Variants in FOXP2 observed in about 807,000 individuals in gnomAD.
The protein encoded by FOXP2 is forkhead box P2.
A neutral mutation model predicts 115.8 loss-of-function variants in FOXP2; 12 were observed. The ratio of observed to expected loss-of-function variants is 0.10; its 90% CI spans 0.07 to 0.17. FOXP2 has a LOEUF of 0.17. Ranked by LOEUF, FOXP2 falls within the 10% of genes least tolerant of loss-of-function variation. The pLI, the probability that FOXP2 is intolerant of heterozygous loss-of-function variation, is 1.00. For synonymous variants in FOXP2, 328 were observed against 297.7 expected, an observed-to-expected ratio of 1.10 and a Z score of -1.05; for missense variants, 629 against 843.5, an observed-to-expected ratio of 0.75 and a Z score of 3.15.
intron 2 of FOXP2, among the ~76,000 whole-genome samples, chr7:114,405,155 T>C (rs1256875694): frequency 6.6e-6 from 1 of 151,956 alleles, no homozygotes; most frequent in Non-Finnish European, 1.5e-5. Context: ...CTGGTGTTAC[T>C]ATATGATAGT....
chr7:114,223,794 G>A (rs1297785868), intron 1 of FOXP2, among the ~76,000 whole-genome samples: 1 of 150,146 alleles, frequency 6.7e-6, no homozygotes, highest in Non-Finnish European at 1.5e-5. Flanking sequence ...CTTTCTTTAG[G>A]TGAATTTTGA....
chr7:114,368,845 A>T (rs760511275), intron 2 of FOXP2, among the ~76,000 whole-genome samples: 3 of 152,258 alleles, frequency 2.0e-5, no homozygotes, highest in Non-Finnish European at 2.9e-5. Context: ...GGTATAATTG[A>T]CAACAATATT....
At chr7:114,087,630 G>C (rs1230643653), upstream of FOXP2, 1 of 147,262 alleles carries the variant, frequency 6.8e-6, no homozygotes, top group Non-Finnish European at 1.5e-5. Flanking sequence ...TGCGGCGGCG[G>C]CGGCGGCGCC....
chr7:114,566,252 T>C (rs932689114), intron 3 of FOXP2, among the ~76,000 whole-genome samples: 6 of 152,164 alleles, frequency 3.9e-5, no homozygotes, highest in African/African-American at 1.2e-4. Flanking sequence ...TAGCTGAACA[T>C]TGATGTTTTC....
rs181679698 is a variant in FOXP2 at position 114,294,975 on chromosome 7, A to G, written c.-11+6866A>G. 2.1e-3 allele frequency among the ~76,000 whole-genome samples: 315 copies of G among 152,262 alleles called. 1 individual carries two copies. The highest frequency in any genetic ancestry group is 6.8e-3 in the Middle Eastern group (2 of 294). On this transcript the variant is annotated intron_variant, in intron 2 of 17. Coordinates refer to the FOXP2 transcript ENST00000634411. Reference sequence around the variant, plus strand: ...AACCATAATTCCAAATTTCATTCCTATTGATGTGATGATAGAATTTGGACA... The same window carrying G: ...AACCATAATTCCAAATTTCATTCCTGTTGATGTGATGATAGAATTTGGACA...
chr7:114,152,635 A>C (rs1792556749), intron 1 of FOXP2, among the ~76,000 whole-genome samples: 1 of 152,176 alleles, frequency 6.6e-6, no homozygotes, highest in Non-Finnish European at 1.5e-5. Context: ...TCCAGCAAAA[A>C]GACAACTGTG....
chr7:114,238,201 A>G (rs1795060219), intron 1 of FOXP2, among the ~76,000 whole-genome samples: 1 of 152,086 alleles, frequency 6.6e-6, no homozygotes, highest in Admixed American at 6.5e-5. Flanking sequence ...AACAATCTCA[A>G]CTCACTGGTG....
intron 2 of FOXP2, among the ~76,000 whole-genome samples, chr7:114,527,081 CTT>C (rs1002322196): frequency 6.7e-6 from 1 of 149,328 alleles, no homozygotes; most frequent in Non-Finnish European, 1.5e-5. Flanking sequence ...TTGTTACTGA[CTT>C]TTTTTATTTA....
chr7:114,229,964 A>T (rs1438618860), intron 1 of FOXP2, among the ~76,000 whole-genome samples: 2 of 151,798 alleles, frequency 1.3e-5, no homozygotes, highest in Non-Finnish European at 3.0e-5. Context: ...GTTGATTTTT[A>T]AAAAGATTAA....
At chr7:114,523,365 C>G (rs1457337795) in intron 2 of FOXP2, among the ~76,000 whole-genome samples, 1 of 152,180 alleles carries the variant, frequency 6.6e-6, no homozygotes, top group Non-Finnish European at 1.5e-5. Flanking sequence ...TGCACCTGCA[C>G]TAACCAAGGC....
intron 2 of FOXP2, among the ~76,000 whole-genome samples, chr7:114,361,067 C>T (rs112905586): frequency 2.6e-5 from 4 of 152,146 alleles, no homozygotes; most frequent in South Asian, 4.1e-4. Flanking sequence ...CCCTACCTTT[C>T]TTTCTCTTCA....
At chr7:114,356,707 A>T (rs540174070) in intron 2 of FOXP2, among the ~76,000 whole-genome samples, 13 of 152,214 alleles carry the variant, frequency 8.5e-5, no homozygotes, top group South Asian at 2.1e-4. Context: ...TTAAACTACT[A>T]CAACAGAGGC....
At chr7:114,336,210 T>A (rs1797851197) in intron 2 of FOXP2, among the ~76,000 whole-genome samples, 1 of 151,466 alleles carries the variant, frequency 6.6e-6, no homozygotes, top group Non-Finnish European at 1.5e-5. Flanking sequence ...TTTGCACAAT[T>A]TTCCTTTTAA....
chr7:114,443,544 C>G (rs772718999), intron 2 of FOXP2, among the ~76,000 whole-genome samples: 62 of 152,154 alleles, frequency 4.1e-4, no homozygotes, highest in Non-Finnish European at 7.8e-4. Context: ...GCATAGTACC[C>G]TATAGATAGT....
At chr7:114,689,732 C>T in intron 16 of FOXP2, 50 bp from the exon 17 acceptor site, 1 of 1,608,488 alleles carries the variant, frequency 6.2e-7, no homozygotes, top group Non-Finnish European at 8.5e-7. Context: ...TGGCCAAACT[C>T]TGTTTGTTGC....
intron 2 of FOXP2, among the ~76,000 whole-genome samples, chr7:114,516,327 T>C (rs1326294426): frequency 2.0e-5 from 3 of 152,138 alleles, no homozygotes; most frequent in Admixed American, 2.0e-4. Context: ...TCCTATTTAA[T>C]AAATGGTGCT....
At chr7:114,334,443 C>G (rs1369600635) in intron 2 of FOXP2, among the ~76,000 whole-genome samples, 1 of 151,226 alleles carries the variant, frequency 6.6e-6, no homozygotes, top group Non-Finnish European at 1.5e-5. Flanking sequence ...GAGCAGGGAT[C>G]ATTTATAGTG....
intron 3 of FOXP2, among the ~76,000 whole-genome samples, chr7:114,562,772 C>G (rs1800815258): frequency 1.5e-5 from 1 of 68,932 alleles, no homozygotes; most frequent in Non-Finnish European, 2.6e-5. Context: ...TATCTTAACC[C>G]TGTTTTTTTT....
intron 1 of FOXP2, among the ~76,000 whole-genome samples, chr7:114,177,694 A>T (rs1485018688): frequency 1.3e-5 from 2 of 151,948 alleles, no homozygotes; most frequent in Non-Finnish European, 2.9e-5. Context: ...GCAAGTACAG[A>T]TTGTATATAT....
Sources: allele counts gnomAD v4.1 joint callset (sites outside exome capture counted in the v4.1 genomes callset), GRCh38; gene constraint gnomAD v4.1.1; transcripts MANE v1.5; gene names NCBI Gene and HGNC (gene_info 2026-07-23, HGNC 2026-07-21).